The following WDTC1 variants were observed in gnomAD, a reference collection of about 807,000 sequenced individuals.
WDTC1 encodes WD and tetratricopeptide repeats 1.
In WDTC1, 12 loss-of-function variants were observed where a neutral mutation model predicts 76.0. The ratio of observed to expected loss-of-function variants is 0.16; its 90% confidence interval spans 0.10 to 0.26. The LOEUF (loss-of-function observed/expected upper bound fraction) is 0.26, where lower values mean the gene tolerates loss of function less well. Among genes scored for constraint, WDTC1 ranks in the 10% least tolerant of loss-of-function variants. The pLI is 1.00. For synonymous variants in WDTC1, 326 were observed against 350.8 expected, an observed-to-expected ratio of 0.93 and a Z score of 0.79; for missense variants, 511 against 908.8, an observed-to-expected ratio of 0.56 and a Z score of 5.63.
At chr1:27,259,318 C>G (rs1233003299) in intron 1 of WDTC1, among the ~76,000 whole-genome samples, 3 of 147,702 alleles carry the variant, frequency 2.0e-5, no homozygotes, top group Non-Finnish European at 4.5e-5. Flanking sequence ...TGCCACCATG[C>G]CCAACTTTTT....
At chr1:27,288,641 A>G (rs956294935) in intron 6 of WDTC1, among the ~76,000 whole-genome samples, 24 of 151,810 alleles carry the variant, frequency 1.6e-4, no homozygotes, top group African/African-American at 3.4e-4. Flanking sequence ...GACACAGCAC[A>G]TGTTTCAGAG....
intron 4 of WDTC1, among the ~76,000 whole-genome samples, chr1:27,282,648 ATG>A (rs2013219910): frequency 1.3e-5 from 2 of 151,832 alleles, no homozygotes; most frequent in Admixed American, 1.3e-4. Context: ...GACTACAGGC[ATG>A]CGCCACCATG....
intron 1 of WDTC1, among the ~76,000 whole-genome samples, chr1:27,256,264 G>A (rs906361664): frequency 6.6e-6 from 1 of 152,026 alleles, no homozygotes; most frequent in Admixed American, 6.6e-5. Flanking sequence ...GCCACCCCTT[G>A]CTACACTCCA....
chr1:27,243,138 C>T (rs1022816259), intron 1 of WDTC1, among the ~76,000 whole-genome samples: 1 of 151,258 alleles, frequency 6.6e-6, no homozygotes, highest in Non-Finnish European at 1.5e-5. Flanking sequence ...GTTTCAGCAG[C>T]TTCCTGAAAT....
chr1:27,276,995 A>T (rs1570965357), intron 3 of WDTC1, among the ~76,000 whole-genome samples: 1 of 150,580 alleles, frequency 6.6e-6, no homozygotes, highest in East Asian at 2.0e-4. Flanking sequence ...GTGACTTTGC[A>T]TAAAAGTTTT....
intron 3 of WDTC1, among the ~76,000 whole-genome samples, chr1:27,268,479 C>T (rs1442299920): frequency 6.6e-6 from 1 of 151,772 alleles, no homozygotes; most frequent in East Asian, 1.9e-4. Context: ...AGTGCAGTGG[C>T]GTGATCTTGG....
intron 1 of WDTC1, among the ~76,000 whole-genome samples, chr1:27,236,288 C>T (rs2147892860): frequency 6.6e-6 from 1 of 152,228 alleles, no homozygotes; most frequent in Non-Finnish European, 1.5e-5. Context: ...TCCTTTGGGC[C>T]AAGTCTGAGA....
intron 9 of WDTC1, 49 bp from the exon 10 acceptor site, chr1:27,296,277 A>G: frequency 6.2e-7 from 1 of 1,610,664 alleles, no homozygotes; most frequent in African/African-American, 1.3e-5. Context: ...GTTCAACCAC[A>G]TCCTTACCTC....
intron 3 of WDTC1, among the ~76,000 whole-genome samples, chr1:27,271,974 G>A (rs980072078): frequency 2.7e-5 from 4 of 150,034 alleles, no homozygotes; most frequent in African/African-American, 4.9e-5. Context: ...GGCTAGGCAC[G>A]GTGGCTCACT....
At chr1:27,251,525 A>G (rs998378245) in intron 1 of WDTC1, among the ~76,000 whole-genome samples, 15 of 152,134 alleles carry the variant, frequency 9.9e-5, no homozygotes, top group African/African-American at 3.6e-4. Flanking sequence ...CCTAACTTAT[A>G]GTAGACCTTT....
chr1:27,288,985 C>T (rs2013432335), intron 6 of WDTC1, among the ~76,000 whole-genome samples: 1 of 13,808 alleles, frequency 7.2e-5, no homozygotes, highest in East Asian at 6.2e-3. Context: ...GGGGGCTGAC[C>T]CCCCCCCCAC....
chr1:27,235,227 T>C (rs928249129), intron 1 of WDTC1, among the ~76,000 whole-genome samples: 16 of 151,788 alleles, frequency 1.1e-4, no homozygotes, highest in African/African-American at 3.9e-4. Flanking sequence ...GAGGGAGAGG[T>C]GGAAGTCATT....
chr1:27,297,204 A>G, intron 11 of WDTC1, 48 bp downstream of exon 11: 1 of 1,488,864 alleles, frequency 6.7e-7, no homozygotes. Flanking sequence ...GTTACACTAT[A>G]TGGACTGGAG....
intron 1 of WDTC1, among the ~76,000 whole-genome samples, chr1:27,239,826 A>AT (rs1196951176): frequency 6.7e-6 from 1 of 150,174 alleles, no homozygotes; most frequent in Admixed American, 6.6e-5. Context: ...AAAAAAAAAA[A>AT]CCAAAAAAAC....
chr1:27,291,032 C>T (rs143653521), intron 6 of WDTC1, among the ~76,000 whole-genome samples: 64 of 152,258 alleles, frequency 4.2e-4, no homozygotes, highest in Non-Finnish European at 7.5e-4. Flanking sequence ...CTGGTAGAAG[C>T]GGAGCGTCTA....
At chr1:27,245,829 G>A (rs145692144) in intron 1 of WDTC1, among the ~76,000 whole-genome samples, 8,002 of 151,444 alleles carry the variant, frequency 0.053, 387 homozygotes, top group African/African-American at 0.069. Context: ...TGGCCTCCCA[G>A]AAAGTGCTGG....
At chr1:27,270,231 T>C (rs932093423) in intron 3 of WDTC1, among the ~76,000 whole-genome samples, 6 of 152,290 alleles carry the variant, frequency 3.9e-5, no homozygotes, top group Middle Eastern at 3.4e-3. Context: ...AGCAGAGTTA[T>C]GCTTTTTAAA....
rs751629370 is a variant in WDTC1, at chr1:27,298,061, C to A, written c.1182C>A (p.His394Gln). 2.0e-5 allele frequency: 32 copies of A among 1,613,624 alleles called. No homozygotes were observed. In the Admixed American group the frequency reaches 5.3e-4, roughly 27 times the overall value. The change falls in exon 12 of 16, where the codon CAC becomes CAA. Residue 394 changes from histidine (H) to glutamine (Q), a missense_variant. Physicochemically the swap from His to Gln is conservative, Grantham distance 24. Transcript: ENST00000319394. ...GCAAGGCTGTGCAGAGGGCCCCTCA[C>A]AATGCCATGCTTTATGGAAACCGAG... ...LYSKAVQRAPHNAMLYGNRAA... is the reference protein window; with the variant it reads ...LYSKAVQRAPQNAMLYGNRAA...
At chr1:27,252,172 C>CA (rs2012091089) in intron 1 of WDTC1, among the ~76,000 whole-genome samples, 1 of 151,868 alleles carries the variant, frequency 6.6e-6, no homozygotes, top group Non-Finnish European at 1.5e-5. Context: ...ATGGTGAGGT[C>CA]ATGTCTCTAC....
Sources: gnomAD v4.1 joint callset for allele counts (sites outside exome capture counted in the v4.1 genomes callset) on GRCh38, gnomAD v4.1.1 for gene constraint, MANE v1.5 for transcripts, NCBI Gene and HGNC (gene_info 2026-07-23, HGNC 2026-07-21) for gene names.